The following DSC3 variants were observed in gnomAD, a reference collection of about 807,000 sequenced individuals.
DSC3 encodes desmocollin-3.
In DSC3, 97 loss-of-function variants were observed where a neutral mutation model predicts 89.5. The observed-to-expected ratio is 1.08, with a 90% CI of 0.92 to 1.28. The LOEUF is 1.28. DSC3 is among the 50% of genes most tolerant of loss of function. DSC3 has a pLI of 0.00. For missense variants in DSC3, 1,199 were observed against 1,085.3 expected (o/e 1.10, Z -1.47); for synonymous variants, 436 against 384.1 (o/e 1.14, Z -1.58).
chr18:31,039,563 T>C (rs1986070371), intron 1 of DSC3, among the ~76,000 whole-genome samples: 1 of 152,212 alleles, frequency 6.6e-6, no homozygotes, highest in Admixed American at 6.5e-5. Context: ...TTGCAAGATT[T>C]ACTGCTCTAC....
At chr18:31,030,536 T>C (rs959150929) in intron 3 of DSC3, among the ~76,000 whole-genome samples, 1 of 152,110 alleles carries the variant, frequency 6.6e-6, no homozygotes, top group African/African-American at 2.4e-5. Flanking sequence ...CTGACACCAG[T>C]GCACAAAAGA....
In DSC3 at chr18:31,008,485, A is replaced by G. The variant is rs560138075; in HGVS notation, c.1304T>C (p.Ile435Thr). The G allele has an allele frequency of 6.2e-7, 1 of 1,614,128 alleles. No individual in the cohort carries two copies. ...YEENRQVNLEIGVNNEAPFAR... is the reference protein window; with the variant it reads ...YEENRQVNLETGVNNEAPFAR... ...AAATGGCGCTTCATTGTTTACTCCA[A>G]TTTCCAGGTTCACTTGACGGTTTTC... Residue 435 changes from isoleucine (I) to threonine (T), a missense_variant, in exon 10 of 16, where the codon ATT (isoleucine) becomes ACT (threonine). Transcript: ENST00000360428.
At chr18:31,025,692 G>C in intron 5 of DSC3, 68 bp downstream of exon 5, 1 of 1,483,594 alleles carries the variant, frequency 6.7e-7, no homozygotes, top group South Asian at 1.1e-5. Context: ...GGAAAGAGTA[G>C]CTGGAGTAAG....
chr18:30,991,385 AAAT>A lies in DSC3; in HGVS notation c.*2787_*2789del, dbSNP rs767123090. 1 of 152,670 alleles carries A rather than the reference AAAT, an allele frequency of 6.6e-6. No individual in the cohort carries two copies. The highest frequency in any genetic ancestry group is 1.5e-5 in the Non-Finnish European group (1 of 68,044). The allele number at this position is 152,670 out of a possible 1,614,324, so 9.5% of individuals were successfully genotyped here. A position where few individuals can be genotyped will look rare whatever the true frequency, so the allele number is the denominator to read the frequency against. On this transcript the variant is annotated 3_prime_UTR_variant, in exon 16 of 16. Coordinates refer to ENST00000360428, the MANE Select transcript of DSC3 (RefSeq NM_001941.5). ...TAAATTTCACCTTACACATATAAGG[AAAT>A]AATAATACTACATATGTGAAAATAT... is the stretch of plus-strand genomic sequence containing the variant.
At chr18:31,023,829 G>A (rs1985504267) in intron 6 of DSC3, among the ~76,000 whole-genome samples, 1 of 152,042 alleles carries the variant, frequency 6.6e-6, no homozygotes, top group Admixed American at 6.6e-5. Flanking sequence ...AACATTTGAT[G>A]TAAGTTTCTC....
intron 12 of DSC3, among the ~76,000 whole-genome samples, chr18:31,005,189 G>C (rs1188395965): frequency 6.6e-6 from 1 of 152,142 alleles, no homozygotes; most frequent in Non-Finnish European, 1.5e-5. Flanking sequence ...AGGCTCCCTA[G>C]AGGAATATGA....
chr18:31,002,257 GAAC>G (rs1288178255), intron 13 of DSC3, among the ~76,000 whole-genome samples: 1 of 152,040 alleles, frequency 6.6e-6, no homozygotes, highest in Admixed American at 6.6e-5. Flanking sequence ...AAACTAAGAA[GAAC>G]AACAACAATT....
intron 14 of DSC3, among the ~76,000 whole-genome samples, chr18:31,001,219 A>G (rs901752350): frequency 3.3e-5 from 5 of 151,384 alleles, no homozygotes; most frequent in Admixed American, 2.6e-4. Context: ...TCTTTTAGAT[A>G]TATCTCATTG....
rs1985296348 is a variant in DSC3, at chr18:31,018,165, C to A, written c.1169G>T (p.Arg390Ile). 2.5e-6 allele frequency: 4 copies of A among 1,612,144 alleles called. No individual in the cohort carries two copies. Among genetic ancestry groups the A allele is most frequent in the Non-Finnish European group, 3.4e-6 (4 of 1,178,870 alleles). The change falls in exon 9 of 16, where the codon AGA becomes ATA. Residue 390 changes from arginine to isoleucine, a missense_variant. By Grantham distance (97) the Arg-to-Ile change is moderately conservative (BLOSUM62 -3). Coordinates refer to ENST00000360428, the MANE Select transcript of DSC3 (RefSeq NM_001941.5). Reference protein sequence around the residue: ...DKDLINTANWRVNFTILKGNE... With the variant: ...DKDLINTANWIVNFTILKGNE... ...TCCCTTTAAAATGGTAAAATTGACTCTCCAATTGGCAGTGTTAATTAAATC... is the reference window on the plus strand; with the variant it reads ...TCCCTTTAAAATGGTAAAATTGACTATCCAATTGGCAGTGTTAATTAAATC...
At chr18:31,025,135 G>C (rs1362611261) in intron 5 of DSC3, among the ~76,000 whole-genome samples, 1 of 152,136 alleles carries the variant, frequency 6.6e-6, no homozygotes, top group East Asian at 1.9e-4. Flanking sequence ...TGTAGGAACA[G>C]AATCTCTCTT....
chr18:30,996,805 G>A lies in DSC3; in HGVS notation c.2479C>T (p.Pro827Ser), dbSNP rs773058168. The A allele has an allele frequency of 6.2e-7, 1 of 1,613,620 alleles. No individual in the cohort carries two copies. ...TYSEWHSFTQ[P>S]RLGEKLHRCN... Reference sequence around the variant, plus strand: ...AGGAAACTCACTTCACCGAGACGGGGTTGAGTAAAACTGTGCCACTCCGAG... The same window carrying A: ...AGGAAACTCACTTCACCGAGACGGGATTGAGTAAAACTGTGCCACTCCGAG... Residue 827 changes from proline to serine, a missense_variant, in exon 15 of 16, where the codon CCC becomes TCC. Physicochemically the swap from Pro to Ser is moderately conservative, Grantham distance 74. Transcript: ENST00000360428.
chr18:30,995,506 G>C (rs778141092), intron 15 of DSC3, among the ~76,000 whole-genome samples: 12 of 152,124 alleles, frequency 7.9e-5, no homozygotes, highest in Non-Finnish European at 1.5e-4. Context: ...TCTGATAAAA[G>C]AGGTAAAAAT....
chr18:31,022,802 C>A lies in DSC3; in HGVS notation c.776-300G>T, dbSNP rs1313595. The stretch of plus-strand genomic sequence containing the variant: ...CAAAATTAATTGGAATACATATGTG[C>A]ACATATTTCAATAACAAACCTAGAT... On this transcript the variant is annotated intron_variant, in intron 6 of 15. Transcript: ENST00000360428. 0.22 allele frequency among the ~76,000 whole-genome samples: 33,464 copies of A among 152,024 alleles called. 4,116 individuals carry two copies. The highest frequency in any genetic ancestry group is 0.54 in the East Asian group (2,794 of 5,154).
chr18:30,999,129 G>A (rs575470582), intron 14 of DSC3, among the ~76,000 whole-genome samples: 2 of 152,082 alleles, frequency 1.3e-5, no homozygotes, highest in Non-Finnish European at 1.5e-5. Context: ...TGGTAACCTC[G>A]ACATGTCAGT....
At chr18:31,011,397 C>T (rs1009990073) in intron 9 of DSC3, among the ~76,000 whole-genome samples, 4 of 152,276 alleles carry the variant, frequency 2.6e-5, no homozygotes, top group Admixed American at 6.5e-5. Flanking sequence ...CTTTATTCAG[C>T]TAAAAGTATA....
rs1229612930 is a variant in DSC3, at chr18:30,993,110, T to A, written c.*1065A>T. The A allele has an allele frequency of 6.6e-6, 1 of 152,228 alleles. No homozygotes were observed. The highest frequency in any genetic ancestry group is 6.5e-5 in the Admixed American group (1 of 15,286). The allele number at this position is 152,228 out of a possible 1,614,324, so 9.4% of individuals were successfully genotyped here. On this transcript the variant is annotated 3_prime_UTR_variant, in exon 16 of 16. Coordinates refer to ENST00000360428, the MANE Select transcript of DSC3 (RefSeq NM_001941.5). ...GTTATTTGGATCTAAATTAAAAAGATGTTGGTCACTATAAGAGAGAATAGA... is the reference window on the plus strand; with the variant it reads ...GTTATTTGGATCTAAATTAAAAAGAAGTTGGTCACTATAAGAGAGAATAGA...
At chr18:31,042,487 C>T (rs917069542) in intron 1 of DSC3, 105 bp downstream of exon 1, 4 of 1,175,466 alleles carry the variant, frequency 3.4e-6, no homozygotes, top group Non-Finnish European at 3.7e-6. Context: ...TGATCTGAGC[C>T]GCGGTTGTCA....
chr18:31,010,618 G>A (rs1985026304), intron 9 of DSC3, among the ~76,000 whole-genome samples: 1 of 152,100 alleles, frequency 6.6e-6, no homozygotes, highest in South Asian at 2.1e-4. Context: ...GTACGTTTTT[G>A]TTTCGCCACT....
chr18:31,000,426 A>C (rs769207901), intron 14 of DSC3, among the ~76,000 whole-genome samples: 1 of 152,102 alleles, frequency 6.6e-6, no homozygotes, highest in African/African-American at 2.4e-5. Context: ...TGATCCCCCT[A>C]CTGACTCAGC....
Sources: gnomAD v4.1 joint callset for allele counts (sites outside exome capture counted in the v4.1 genomes callset) on GRCh38, gnomAD v4.1.1 for gene constraint, MANE v1.5 for transcripts, NCBI Gene and HGNC (gene_info 2026-07-23, HGNC 2026-07-21) for gene names.